Variants in TSPAN3 observed in about 807,000 individuals in gnomAD.
TSPAN3 encodes tetraspanin-3.
In TSPAN3, 9 loss-of-function variants were observed where a neutral mutation model predicts 31.1. The observed-to-expected ratio is 0.29, with a 90% CI of 0.17 to 0.50. The LOEUF (loss-of-function observed/expected upper bound fraction) is 0.50. Among genes scored for constraint, TSPAN3 ranks in the 20% least tolerant of loss-of-function variants. The pLI is 0.98. For synonymous variants in TSPAN3, 129 were observed against 114.3 expected, an observed-to-expected ratio of 1.13 and a Z score of -0.82; for missense variants, 252 against 313.5, an observed-to-expected ratio of 0.80 and a Z score of 1.48.
At chr15:77,053,474 AAAAAAAAAAAAAAAAAAAAAG>A (rs1371251697) in intron 4 of TSPAN3, among the ~76,000 whole-genome samples, 34 of 86,772 alleles carry the variant, frequency 3.9e-4, no homozygotes, top group African/African-American at 1.1e-3. Flanking sequence ...AAAAAAAAAA[AAAAAAAAAAAAAAAAAAAAAG>A]AAAAGAAAAG....
chr15:77,066,256 G>A (rs980319006), intron 1 of TSPAN3, among the ~76,000 whole-genome samples: 3 of 152,204 alleles, frequency 2.0e-5, no homozygotes, highest in African/African-American at 7.2e-5. Flanking sequence ...GCAGTTTACA[G>A]AATAGGCTAA....
chr15:77,066,623 C>T (rs1451156393), intron 1 of TSPAN3, among the ~76,000 whole-genome samples: 2 of 139,538 alleles, frequency 1.4e-5, no homozygotes, highest in Non-Finnish European at 3.1e-5. Flanking sequence ...TAGTCATTTA[C>T]CTAAAACACT....
rs2076670869 is a variant in TSPAN3, at chr15:77,043,444, A to G, written c.*3391T>C. ...AAAACGAACATCCCCACTGTGGGGC[A>G]GATGGGCATTGTGTGCCTCGAGATG... is the stretch of plus-strand genomic sequence containing the variant. On this transcript the variant is annotated 3_prime_UTR_variant, in exon 7 of 7. Coordinates refer to ENST00000267970, the MANE Select transcript of TSPAN3 (RefSeq NM_005724.6). 6.6e-6 allele frequency: 1 copy of G among 152,214 alleles called. No individual in the cohort carries two copies. The highest frequency in any genetic ancestry group is 1.5e-5 in the Non-Finnish European group (1 of 68,046). The allele number at this position is 152,214 out of a possible 1,614,324, so 9.4% of individuals were successfully genotyped here.
rs1472872461 is a variant in TSPAN3, at chr15:77,041,833, C to T, written c.*5002G>A. 2 of 152,174 alleles carry T rather than the reference C, an allele frequency of 1.3e-5. No homozygotes were observed. The highest frequency in any genetic ancestry group is 2.9e-5 in the Non-Finnish European group (2 of 68,034). The allele number at this position is 152,174 out of a possible 1,614,324, so 9.4% of individuals were successfully genotyped here. On this transcript the variant is annotated 3_prime_UTR_variant, in exon 7 of 7. Coordinates refer to ENST00000267970, the MANE Select transcript of TSPAN3 (RefSeq NM_005724.6). ...AGCATGGTGAATGTACTCAAGGCAA[C>T]TTCTTTACTTTAAAATCGTTAATTT... is the stretch of plus-strand genomic sequence containing the variant.
chr15:77,067,218 A>G (rs1479017041), intron 1 of TSPAN3, among the ~76,000 whole-genome samples: 1 of 152,158 alleles, frequency 6.6e-6, no homozygotes, highest in Non-Finnish European at 1.5e-5. Context: ...TATTTCCATT[A>G]AGACAAATTT....
intron 1 of TSPAN3, among the ~76,000 whole-genome samples, chr15:77,061,536 TA>T (rs930211820): frequency 4.7e-4 from 68 of 143,646 alleles, no homozygotes; most frequent in Non-Finnish European, 5.2e-4. Context: ...CTCAAAAAAT[TA>T]AAAAAAAAAA....
At position 77,046,939 on chromosome 15, in the gene TSPAN3, AAAC is replaced by A. The variant is rs769794339; in HGVS notation, c.670-15_670-13del. On this transcript the variant is annotated splice_polypyrimidine_tract_variant and intron_variant, in intron 6 of 6. Coordinates refer to ENST00000267970, the MANE Select transcript of TSPAN3 (RefSeq NM_005724.6). Reference sequence around the variant, plus strand: ...AGCATGCCCAGCAGCTGTTGAAAGAAAACAACAATGGGGAAAAAAGGCTGAAAA... The same window carrying A: ...AGCATGCCCAGCAGCTGTTGAAAGAAAACAATGGGGAAAAAAGGCTGAAAA... 1.3e-5 allele frequency: 21 copies of A among 1,564,826 alleles called. No individual in the cohort carries two copies. Among genetic ancestry groups the A allele is most frequent in the South Asian group, 8.2e-5 (7 of 85,642 alleles).
chr15:77,049,056 T>C (rs537988570), intron 6 of TSPAN3, among the ~76,000 whole-genome samples: 9 of 152,330 alleles, frequency 5.9e-5, no homozygotes, highest in South Asian at 2.1e-4. Flanking sequence ...AGTATGCCTA[T>C]AAAATGGAAT....
rs888866346 is a variant in TSPAN3 at position 77,043,509 on chromosome 15, G to A, written c.*3326C>T. 2.6e-5 allele frequency: 4 copies of A among 152,224 alleles called. No homozygotes were observed. The highest frequency in any genetic ancestry group is 2.6e-4 in the Admixed American group (4 of 15,274). 9.4% of individuals were successfully genotyped at this position (152,224 alleles called of 1,614,324 possible). On this transcript the variant is annotated 3_prime_UTR_variant, in exon 7 of 7. Coordinates refer to ENST00000267970, the MANE Select transcript of TSPAN3 (RefSeq NM_005724.6). ...GCCGCGTGACGCAGGTAGTGGTTCA[G>A]CCACCTGGAATGCAAAACCAAATCT...
Position 77,046,852 on chromosome 15 carries a change from C to T in TSPAN3, c.745G>A (p.Gly249Ser). ...RDPAYELLIT[G>S]GTYA is the part of the protein sequence containing the mutation. ...GTTGTCAACTATGCATAGGTTCCGC[C>T]AGTGATGAGGAGCTCGTAAGCAGGA... is the stretch of plus-strand genomic sequence containing the variant. Residue 249 changes from glycine to serine, a missense_variant, in exon 7 of 7, where the codon GGC (glycine) becomes AGC (serine). Coordinates refer to ENST00000267970, the MANE Select transcript of TSPAN3 (RefSeq NM_005724.6). 1 of 1,592,548 alleles carries T rather than the reference C, an allele frequency of 6.3e-7. No individual in the cohort carries two copies. Among genetic ancestry groups the T allele is most frequent in the Non-Finnish European group, 8.6e-7 (1 of 1,166,814 alleles).
At position 77,056,120 on chromosome 15, in the gene TSPAN3, T is replaced by C; in HGVS notation, c.199A>G (p.Ile67Val). The C allele has an allele frequency of 6.2e-7, 1 of 1,612,674 alleles. No homozygotes were observed. The highest frequency in any genetic ancestry group is 8.5e-7 in the Non-Finnish European group (1 of 1,179,578). The change falls in exon 2 of 7, where the codon ATT becomes GTT. Residue 67 changes from isoleucine (I) to valine (V), a missense_variant. Transcript: ENST00000267970. ...IIAVGALLFI[I>V]GLIGCCATIR... ...GTGGCACAGCAGCCAATTAGCCCAA[T>C]GATGAAAAGCAGGGCTCCTACAGCT...
At chr15:77,050,195 TA>T (rs1327199044) in intron 6 of TSPAN3, among the ~76,000 whole-genome samples, 1 of 152,240 alleles carries the variant, frequency 6.6e-6, no homozygotes, top group African/African-American at 2.4e-5. Flanking sequence ...AGATTTTGAA[TA>T]CCAGAAGCTT....
rs1596160208 is a variant in TSPAN3, at chr15:77,052,888, A to G, written c.474T>C (p.Asn158=). The change falls in exon 5 of 7, where the codon AAT becomes AAC. Residue 158 remains asparagine, a synonymous_variant. Coordinates refer to ENST00000267970, the MANE Select transcript of TSPAN3 (RefSeq NM_005724.6). The stretch of plus-strand genomic sequence containing the variant: ...TTTTGGTTTCTTTGAACCAATCTGT[A>G]TTTTCCCAGTCTGAGTAGTTGTGAA... ...CGIHNYSDWE[N]TDWFKETKNQ... is the part of the protein sequence containing the mutation. 2 of 1,613,896 alleles carry G rather than the reference A, an allele frequency of 1.2e-6. No homozygotes were observed. The highest frequency in any genetic ancestry group is 2.7e-5 in the African/African-American group (2 of 74,926).
At chr15:77,061,484 C>T (rs988518106) in intron 1 of TSPAN3, among the ~76,000 whole-genome samples, 127 of 152,000 alleles carry the variant, frequency 8.4e-4, no homozygotes, top group African/African-American at 2.8e-3. Context: ...GCCGAGATTG[C>T]GCCACTGCAC....
At chr15:77,069,463 A>G (rs2076853499) in intron 1 of TSPAN3, among the ~76,000 whole-genome samples, 2 of 152,198 alleles carry the variant, frequency 1.3e-5, no homozygotes, top group South Asian at 2.1e-4. Context: ...AATAAAATAA[A>G]TAAATAAGCC....
chr15:77,056,002 C>A (rs1177085943), intron 2 of TSPAN3, 62 bp downstream of exon 2: 24 of 1,533,390 alleles, frequency 1.6e-5, no homozygotes, highest in Middle Eastern at 2.4e-4. Flanking sequence ...GCCAAGGAGT[C>A]TCATGTTCAA....
In TSPAN3 at chr15:77,052,811, C is replaced by A; in HGVS notation, c.551G>T (p.Gly184Val). The A allele has an allele frequency of 6.2e-7, 1 of 1,614,116 alleles. No homozygotes were observed. The highest frequency in any genetic ancestry group is 1.7e-5 in the Admixed American group (1 of 60,022). Residue 184 changes from glycine to valine, a missense_variant, in exon 5 of 7, where the codon GGC becomes GTC. Transcript: ENST00000267970. ...CCRETASNCN[G>V]SLAHPSDLYA... Reference sequence around the variant, plus strand: ...GAGGTCGGAAGGGTGGGCCAGGCTGCCATTACAATTGCTGGCAGTCTCTCT... The same window carrying A: ...GAGGTCGGAAGGGTGGGCCAGGCTGACATTACAATTGCTGGCAGTCTCTCT...
At chr15:77,065,469 C>G (rs1297228015) in intron 1 of TSPAN3, among the ~76,000 whole-genome samples, 2 of 152,140 alleles carry the variant, frequency 1.3e-5, no homozygotes, top group Non-Finnish European at 1.5e-5. Context: ...CTCTGTCGCC[C>G]AGGCTGGAGT....
chr15:77,053,006 A>G (rs2152695894), intron 4 of TSPAN3, 77 bp from the exon 5 acceptor site: 1 of 1,401,516 alleles, frequency 7.1e-7, no homozygotes, highest in Non-Finnish European at 9.8e-7. Flanking sequence ...GAGCTTTAAA[A>G]TAAGCTACTC....
Sources: gnomAD v4.1 joint callset for allele counts (sites outside exome capture counted in the v4.1 genomes callset) on GRCh38, gnomAD v4.1.1 for gene constraint, MANE v1.5 for transcripts, NCBI Gene and HGNC (gene_info 2026-07-23, HGNC 2026-07-21) for gene names.